Variants in HSPG2 observed in about 807,000 individuals in gnomAD.
HSPG2 encodes basement membrane-specific heparan sulfate proteoglycan core protein.
A neutral mutation model predicts 526.6 loss-of-function variants in HSPG2; 278 were observed. The observed-to-expected ratio is 0.53, with a 90% CI of 0.48 to 0.58. HSPG2 has a LOEUF of 0.58. HSPG2 is among the 20% of genes least tolerant of loss of function. HSPG2 has a pLI of 0.00. For synonymous variants in HSPG2, 2,465 were observed against 2,555.4 expected (o/e 0.96, Z 1.07); for missense variants, 5,354 against 6,099.5 (o/e 0.88, Z 4.07).
chr1:21,839,230 GGT>G lies in HSPG2; in HGVS notation c.9889+139_9889+140del. 2 of 1,428,768 alleles carry G rather than the reference GGT, an allele frequency of 1.4e-6. No individual in the cohort carries two copies. Among genetic ancestry groups the G allele is most frequent in the Non-Finnish European group, 1.9e-6 (2 of 1,036,514 alleles). 88.5% of individuals were successfully genotyped at this position (1,428,768 alleles called of 1,614,324 possible). On this transcript the variant is annotated intron_variant, in intron 73 of 96. Transcript: ENST00000374695. The surrounding 1 kb of genome is among the most constrained non-coding windows in gnomAD (Gnocchi z 4.5). ...AGCAAAGGTCCCAGGCCAGGGTGTG[GGT>G]GTCGGGCAGGGCAGGCTCCAGGACC...
In HSPG2 at chr1:21,865,643, A is replaced by C; in HGVS notation, c.4314+74T>G. 2.4e-6 allele frequency: 3 copies of C among 1,257,982 alleles called. No individual in the cohort carries two copies. The highest frequency in any genetic ancestry group is 3.5e-6 in the Non-Finnish European group (3 of 856,818). The allele number at this position is 1,257,982 out of a possible 1,614,324, so 77.9% of individuals were successfully genotyped here. The stretch of plus-strand genomic sequence containing the variant: ...ACTGAGTGCTGGATGGAAAGGACAA[A>C]GGACAAATGCCGAGGGTGCCCCTGG... On this transcript the variant is annotated intron_variant, in intron 34 of 96. Coordinates refer to ENST00000374695, the MANE Select transcript of HSPG2 (RefSeq NM_005529.7). This position sits in a 1 kb window ranked among gnomAD's most constrained non-coding sequence, Gnocchi z 5.4.
intron 87 of HSPG2, 22 bp downstream of exon 87, chr1:21,829,361 G>A (rs769921160): frequency 4.5e-5 from 72 of 1,606,832 alleles, no homozygotes; most frequent in East Asian, 2.7e-4. Flanking sequence ...GCAGAGCCCC[G>A]CATTTGGTGC....
rs2098040885 is a variant in HSPG2, at chr1:21,839,673, C to T, written c.9710-123G>A. The T allele has an allele frequency of 7.1e-7, 1 of 1,405,328 alleles. No individual in the cohort carries two copies. The highest frequency in any genetic ancestry group is 1.2e-5 in the South Asian group (1 of 82,506). The allele number at this position is 1,405,328 out of a possible 1,614,324, so 87.1% of individuals were successfully genotyped here. A position where few individuals can be genotyped will look rare whatever the true frequency, so the allele number is the denominator to read the frequency against. On this transcript the variant is annotated intron_variant, in intron 72 of 96. Transcript: ENST00000374695. This position sits in a 1 kb window ranked among gnomAD's most constrained non-coding sequence, Gnocchi z 4.5. ...CTCTATGGGGACCCCAGTTGGGTTC[C>T]TCGGCCATCACTGGGGGATGCTAGC...
At chr1:21,875,065 C>T in intron 25 of HSPG2, 63 bp from the exon 26 acceptor site, 1 of 1,200,744 alleles carries the variant, frequency 8.3e-7, no homozygotes, top group South Asian at 1.3e-5. Flanking sequence ...CGCCTGGAGT[C>T]CTCCACTGGC....
intron 1 of HSPG2, among the ~76,000 whole-genome samples, chr1:21,930,242 C>G (rs1191105983): frequency 6.6e-6 from 1 of 152,218 alleles, no homozygotes; most frequent in East Asian, 1.9e-4. Flanking sequence ...GAGGCTCACC[C>G]GCTCACTTAC....
chr1:21,890,096 T>C lies in HSPG2; in HGVS notation c.459A>G (p.Glu153=). The change falls in exon 6 of 97, where the codon GAA becomes GAG. Residue 153 remains glutamate (E), a synonymous_variant. Coordinates refer to ENST00000374695, the MANE Select transcript of HSPG2 (RefSeq NM_005529.7). The surrounding 1 kb of genome is among the most constrained non-coding windows in gnomAD (Gnocchi z 4.1). ...GAATCTGAGCCCCATCCGCATTCCC[T>C]TCCGAGCCCACATCCAGCTCCACAA... ...WVFVELDVGS[E]GNADGAQIQE... 1.9e-6 allele frequency: 3 copies of C among 1,614,020 alleles called. No homozygotes were observed. The South Asian group carries it at 3.3e-5, about 18-fold the overall frequency.
Position 21,851,697 on chromosome 1 carries a change from G to C in HSPG2, c.7007C>G (p.Pro2336Arg). The change falls in exon 55 of 97, where the codon CCT becomes CGT. Residue 2336 changes from proline (P) to arginine (R), a missense_variant and splice_region_variant. Transcript: ENST00000374695. ...GCGGATGGGCTGGGTGCTGCCGGCA[G>C]CTGAGGGATAAGATGGTCACCGGTC... ...TGTQGANLAY[P>R]AGSTQPIRIE... The C allele has an allele frequency of 6.2e-7, 1 of 1,614,010 alleles. No homozygotes were observed. The highest frequency in any genetic ancestry group is 2.2e-5 in the East Asian group (1 of 44,872).
rs747704697 is a variant in HSPG2, at chr1:21,865,085, G to T, written c.4396-12C>A. On this transcript the variant is annotated splice_polypyrimidine_tract_variant and intron_variant, in intron 35 of 96. Transcript: ENST00000374695. This position sits in a 1 kb window ranked among gnomAD's most constrained non-coding sequence, Gnocchi z 5.4. ...CGGCGCCAGAATTCCTGGGTTGGGG[G>T]TGGCAACGTGGGCGGGGGCAGTGGG... 104 of 1,558,078 alleles carry T rather than the reference G, an allele frequency of 6.7e-5. No homozygotes were observed. Among genetic ancestry groups the T allele is most frequent in the Non-Finnish European group, 8.1e-5 (94 of 1,153,910 alleles).
chr1:21,839,925 C>T lies in HSPG2; in HGVS notation c.9606G>A (p.Val3202=). 1 of 1,614,176 alleles carries T rather than the reference C, an allele frequency of 6.2e-7. No individual in the cohort carries two copies. ...GTAQKQVEVI[V]DTGAMAPGAP... ...CCCCTGGGGCCATGGCGCCCGTGTC[C>T]ACGATCACCTCCACCTGCTTCTGTG... Residue 3202 remains valine, a synonymous_variant, in exon 72 of 97, where the codon GTG becomes GTA. Transcript: ENST00000374695. The surrounding 1 kb of genome is among the most constrained non-coding windows in gnomAD (Gnocchi z 4.5).
chr1:21,852,992 C>G lies in HSPG2; in HGVS notation c.6518G>C (p.Cys2173Ser). 6.2e-7 allele frequency: 1 copy of G among 1,613,760 alleles called. No homozygotes were observed. Among genetic ancestry groups the G allele is most frequent in the Non-Finnish European group, 8.5e-7 (1 of 1,179,934 alleles). The change falls in exon 51 of 97, where the codon TGC (cysteine) becomes TCC (serine). Residue 2173 changes from cysteine to serine, a missense_variant. Cys to Ser is a moderately radical substitution (Grantham distance 112). Coordinates refer to ENST00000374695, the MANE Select transcript of HSPG2 (RefSeq NM_005529.7). ...VAEGQTLDLN[C>S]VVPGQAHAQV... The stretch of plus-strand genomic sequence containing the variant: ...GGCGTGGGCCTGCCCGGGCACCACG[C>G]AGTTCAGATCCAGGGTCTGCCCTTC...
rs1429840481 is a variant in HSPG2, at chr1:21,862,056, T to G, written c.4800A>C (p.Gly1600=). The part of the protein sequence containing the change: ...FCELCAPGYY[G]DATAGTPEDC... ...CCTCAGGCGTCCCGGCTGTGGCATCTCCGTAGTAGCCAGGGGCACAAAGCT... is the reference window on the plus strand; with the variant it reads ...CCTCAGGCGTCCCGGCTGTGGCATCGCCGTAGTAGCCAGGGGCACAAAGCT... Residue 1600 remains glycine, a synonymous_variant, in exon 38 of 97, where the codon GGA becomes GGC. Coordinates refer to ENST00000374695, the MANE Select transcript of HSPG2 (RefSeq NM_005529.7). The G allele has an allele frequency of 6.2e-7, 1 of 1,614,060 alleles. No homozygotes were observed. Among genetic ancestry groups the G allele is most frequent in the Non-Finnish European group, 8.5e-7 (1 of 1,180,002 alleles).
intron 1 of HSPG2, among the ~76,000 whole-genome samples, chr1:21,909,646 A>G (rs924819808): frequency 6.6e-6 from 1 of 152,234 alleles, no homozygotes; most frequent in African/African-American, 2.4e-5. Context: ...CCAGGGGCAG[A>G]GGCTACAGTG....
chr1:21,847,242 C>T lies in HSPG2; in HGVS notation c.8164+112G>A. 1 of 1,231,864 alleles carries T rather than the reference C, an allele frequency of 8.1e-7. No individual in the cohort carries two copies. Among genetic ancestry groups the T allele is most frequent in the South Asian group, 1.2e-5 (1 of 81,100 alleles). The allele number at this position is 1,231,864 out of a possible 1,614,324, so 76.3% of individuals were successfully genotyped here. ...GTAGCCACTGAACCCACGCATCTTTCCGCTGGCCCTTGCCTGAGTACCACC... is the reference window on the plus strand; with the variant it reads ...GTAGCCACTGAACCCACGCATCTTTTCGCTGGCCCTTGCCTGAGTACCACC... On this transcript the variant is annotated intron_variant, in intron 62 of 96. Coordinates refer to ENST00000374695, the MANE Select transcript of HSPG2 (RefSeq NM_005529.7). The surrounding 1 kb of genome is among the most constrained non-coding windows in gnomAD (Gnocchi z 4.1).
chr1:21,931,198 C>G (rs1272922060), intron 1 of HSPG2, among the ~76,000 whole-genome samples: 1 of 152,254 alleles, frequency 6.6e-6, no homozygotes, highest in Non-Finnish European at 1.5e-5. Flanking sequence ...GACCCGGCCA[C>G]CCCAGCAGCC....
In HSPG2 at chr1:21,842,354, G is replaced by A. The variant is rs1403978122; in HGVS notation, c.8937C>T (p.His2979=). The change falls in exon 68 of 97, where the codon CAC becomes CAT. Residue 2979 remains histidine, a synonymous_variant. Transcript: ENST00000374695. ...CGCCTGAGTCGGCAGGGGAGACGAG[G>A]TGGAGCCGCAGCTGGGAGCCATGGG... ...HQTHGSQLRL[H]LVSPADSGEY... is the part of the protein sequence containing the mutation. 1.2e-6 allele frequency: 2 copies of A among 1,609,786 alleles called. No homozygotes were observed. The highest frequency in any genetic ancestry group is 1.3e-5 in the African/African-American group (1 of 74,894).
chr1:21,894,011 G>C (rs1642564243), intron 3 of HSPG2, among the ~76,000 whole-genome samples: 1 of 152,110 alleles, frequency 6.6e-6, no homozygotes, highest in African/African-American at 2.4e-5. Context: ...TCAAGGAGTG[G>C]GGAAGAGGGC....
rs755127720 is a variant in HSPG2 at position 21,841,156 on chromosome 1, G to A, written c.9458C>T (p.Pro3153Leu). The A allele has an allele frequency of 6.2e-7, 1 of 1,613,774 alleles. No homozygotes were observed. The highest frequency in any genetic ancestry group is 1.1e-5 in the South Asian group (1 of 91,084). ...ATATGTCCGCTGCTCCAACTTGGCA[G>A]GGGTGCTGCTGATCCGGGTCCAACG... ...SARWTRISST[P>L]AKLEQRTYGL... Residue 3153 changes from proline to leucine, a missense_variant, in exon 71 of 97, where the codon CCT becomes CTT. Physicochemically the swap from Pro to Leu is moderately conservative, Grantham distance 98. Transcript: ENST00000374695.
At chr1:21,854,443 C>A in intron 49 of HSPG2, 100 bp from the exon 50 acceptor site, 1 of 1,479,900 alleles carries the variant, frequency 6.8e-7, no homozygotes, top group South Asian at 1.2e-5. Context: ...ACTGGCTCTG[C>A]TCCGAGCCAT....
rs1294395849 is a variant in HSPG2, at chr1:21,848,258, G to A, written c.7738-165C>T. Among the ~76,000 whole-genome samples, 3 of 152,188 alleles carry A rather than the reference G, an allele frequency of 2.0e-5. No individual in the cohort carries two copies. The highest frequency in any genetic ancestry group is 4.4e-5 in the Non-Finnish European group (3 of 68,038). ...GGCATGTGGCCTGTCTCTGGGCTGG[G>A]GTGGACGTCTAGCCTTTTGTCACCC... On this transcript the variant is annotated intron_variant, in intron 59 of 96. Transcript: ENST00000374695. The surrounding 1 kb of genome is among the most constrained non-coding windows in gnomAD (Gnocchi z 4.9).
Sources: gnomAD v4.1 joint callset for allele counts (sites outside exome capture counted in the v4.1 genomes callset) on GRCh38, gnomAD v4.1.1 for gene constraint, Gnocchi (gnomAD v3.1) non-coding constraint, MANE v1.5 for transcripts, NCBI Gene and HGNC (gene_info 2026-07-23, HGNC 2026-07-21) for gene names.